FBXL13: variants seen among roughly 807,000 people sequenced by gnomAD.
FBXL13 encodes the protein F-box and leucine-rich repeat protein 13.
In FBXL13, 67 loss-of-function variants were observed where a neutral mutation model predicts 83.6. The ratio of observed to expected loss-of-function variants is 0.80; its 90% CI spans 0.66 to 0.98. The LOEUF (loss-of-function observed/expected upper bound fraction) is 0.98, where lower values mean the gene tolerates loss of function less well. FBXL13 is among the 50% of genes least tolerant of loss of function. The pLI, the probability that FBXL13 is intolerant of heterozygous loss-of-function variation, is 0.00. For missense variants in FBXL13, 822 were observed against 866.5 expected, an observed-to-expected ratio of 0.95 and a Z score of 0.64; for synonymous variants, 272 against 299.5, an observed-to-expected ratio of 0.91 and a Z score of 0.95.
At position 103,066,135 on chromosome 7, in the gene FBXL13, T is replaced by C. The variant is rs1026250285; in HGVS notation, c.-105+8111A>G. Among the ~76,000 whole-genome samples the C allele has an allele frequency of 2.0e-5, 3 of 152,216 alleles. No homozygotes were observed. The East Asian group carries it at 5.8e-4, about 29-fold the overall frequency. On this transcript the variant is annotated intron_variant, in intron 1 of 19. Transcript: ENST00000313221. ...AGGGCTACTTTTCTCCTCCTCAATATTTCTGCAGTATTATAATCAGCTGTC... is the reference window on the plus strand; with the variant it reads ...AGGGCTACTTTTCTCCTCCTCAATACTTCTGCAGTATTATAATCAGCTGTC...
chr7:102,938,139 GC>G (rs1170083761), intron 8 of FBXL13, among the ~76,000 whole-genome samples: 1 of 152,230 alleles, frequency 6.6e-6, no homozygotes, highest in Non-Finnish European at 1.5e-5. Flanking sequence ...GCATATTTAT[GC>G]CATATTGAGG....
chr7:102,987,829 C>T (rs1829148049), intron 6 of FBXL13, among the ~76,000 whole-genome samples: 1 of 152,036 alleles, frequency 6.6e-6, no homozygotes, highest in African/African-American at 2.4e-5. Context: ...GGAGTAGTCC[C>T]ATAAGAGAGG....
chr7:102,831,274 A>G (rs1205597370), intron 18 of FBXL13, among the ~76,000 whole-genome samples: 1 of 152,106 alleles, frequency 6.6e-6, no homozygotes, highest in Non-Finnish European at 1.5e-5. Context: ...TTCAAGAACA[A>G]TTTTGGCCCT....
chr7:102,849,266 T>C (rs185635359), intron 17 of FBXL13, among the ~76,000 whole-genome samples: 117 of 152,314 alleles, frequency 7.7e-4, no homozygotes, highest in Non-Finnish European at 1.3e-3. Flanking sequence ...AACATAATCA[T>C]TGAATGTCTG....
intron 1 of FBXL13, among the ~76,000 whole-genome samples, chr7:103,060,313 C>T (rs1797786158): frequency 6.6e-6 from 1 of 151,916 alleles, no homozygotes; most frequent in Non-Finnish European, 1.5e-5. Flanking sequence ...TCTCAGCCTC[C>T]CAAAGTGCTG....
At chr7:102,985,070 A>C (rs6965463) in intron 6 of FBXL13, among the ~76,000 whole-genome samples, 28,719 of 152,046 alleles carry the variant, frequency 0.19, 2,980 homozygotes, top group African/African-American at 0.27. Flanking sequence ...TTTATCCCTG[A>C]AGACAGACCT....
At chr7:102,896,300 A>G (rs1210403405) in intron 11 of FBXL13, among the ~76,000 whole-genome samples, 2 of 152,184 alleles carry the variant, frequency 1.3e-5, no homozygotes, top group Non-Finnish European at 2.9e-5. Context: ...GTAGACTTGC[A>G]GGAGGCAGGG....
chr7:102,817,512 C>T (rs1484078713), intron 19 of FBXL13, among the ~76,000 whole-genome samples: 1 of 152,050 alleles, frequency 6.6e-6, no homozygotes. Flanking sequence ...AGACCTTTGT[C>T]GGATGCATAA....
intron 6 of FBXL13, among the ~76,000 whole-genome samples, chr7:103,020,323 C>A (rs1792989011): frequency 6.6e-6 from 1 of 152,086 alleles, no homozygotes; most frequent in African/African-American, 2.4e-5. Flanking sequence ...TGGGACGTAC[C>A]TAAAAATAAT....
chr7:103,028,889 G>A, intron 3 of FBXL13, 141 bp from the exon 5 acceptor site: 2 of 569,860 alleles, frequency 3.5e-6, no homozygotes, highest in Admixed American at 4.2e-5. Flanking sequence ...CTACAACTTG[G>A]GTATGACCTG....
intron 8 of FBXL13, chr7:102,944,975 ATACT>A (rs779482383): frequency 6.1e-5 from 10 of 164,582 alleles, no homozygotes; most frequent in Non-Finnish European, 1.0e-4. Context: ...CTGTTTGTGC[ATACT>A]TAAAGATGAT....
At chr7:103,039,482 A>C (rs570886485) in intron 2 of FBXL13, among the ~76,000 whole-genome samples, 4 of 152,214 alleles carry the variant, frequency 2.6e-5, no homozygotes, top group Non-Finnish European at 5.9e-5. Context: ...ACACCAACAC[A>C]AAGATACGCC....
intron 16 of FBXL13, among the ~76,000 whole-genome samples, chr7:102,859,429 T>A (rs1246675280): frequency 6.6e-6 from 1 of 152,122 alleles, no homozygotes; most frequent in Non-Finnish European, 1.5e-5. Context: ...CTTTTTAGAT[T>A]AGTGACCTAA....
At chr7:102,944,531 A>G (rs1469030133) in intron 8 of FBXL13, 1 of 1,613,794 alleles carries the variant, frequency 6.2e-7, no homozygotes. Context: ...CAAGACACAG[A>G]AGATGATGAA....
chr7:102,923,166 G>A (rs1208236023), intron 10 of FBXL13, among the ~76,000 whole-genome samples: 1 of 152,118 alleles, frequency 6.6e-6, no homozygotes, highest in African/African-American at 2.4e-5. Context: ...TTCAAGTATT[G>A]AGAGAATATT....
intron 11 of FBXL13, among the ~76,000 whole-genome samples, chr7:102,910,884 A>T (rs1814538684): frequency 6.6e-6 from 1 of 152,072 alleles, no homozygotes; most frequent in African/African-American, 2.4e-5. Flanking sequence ...TCAGCCTCCC[A>T]GGCAGCTGGG....
intron 2 of FBXL13, among the ~76,000 whole-genome samples, chr7:103,052,666 C>G (rs1382298459): frequency 6.6e-6 from 1 of 151,938 alleles, no homozygotes; most frequent in Non-Finnish European, 1.5e-5. Context: ...TATGCCTTGG[C>G]AAACTGTCAT....
chr7:102,943,705 T>C (rs867695823), intron 8 of FBXL13, among the ~76,000 whole-genome samples: 1 of 152,138 alleles, frequency 6.6e-6, no homozygotes, highest in African/African-American at 2.4e-5. Context: ...CCATTACATA[T>C]ACGTTTTCAG....
At chr7:102,873,714 C>A (rs1337276133) in intron 16 of FBXL13, among the ~76,000 whole-genome samples, 1 of 152,198 alleles carries the variant, frequency 6.6e-6, no homozygotes, top group East Asian at 1.9e-4. Flanking sequence ...AGTGACCTGA[C>A]CCCTGTCTAC....
Sources: allele counts gnomAD v4.1 joint callset (sites outside exome capture counted in the v4.1 genomes callset), GRCh38; gene constraint gnomAD v4.1.1; transcripts MANE v1.5; gene names NCBI Gene and HGNC (gene_info 2026-07-23, HGNC 2026-07-21).